R3HDM1: variants seen among roughly 807,000 people sequenced by gnomAD.
R3HDM1 encodes the protein R3H domain containing 1, also known as R3H domain-containing protein 1.
Under a neutral mutation model 141.1 loss-of-function variants are expected in R3HDM1, and 46 were observed. The ratio of observed to expected loss-of-function variants is 0.33; its 90% CI spans 0.26 to 0.42. The LOEUF is 0.42. Among genes scored for constraint, R3HDM1 ranks in the 10% least tolerant of loss-of-function variants. The probability of loss-of-function intolerance (pLI) is 1.00; values close to 1 mark genes in which losing one functional copy is unlikely to be tolerated. For missense variants in R3HDM1, 1,184 were observed against 1,368.3 expected, an observed-to-expected ratio of 0.87 and a Z score of 2.12; for synonymous variants, 435 against 472.9, an observed-to-expected ratio of 0.92 and a Z score of 1.04.
intron 1 of R3HDM1, among the ~76,000 whole-genome samples, chr2:135,562,205 C>A (rs7590075): frequency 2.0e-5 from 3 of 152,118 alleles, no homozygotes; most frequent in Admixed American, 1.3e-4. Context: ...AATAGCTGTT[C>A]GTAGGAATGA....
intron 6 of R3HDM1, chr2:135,622,302 G>T (rs1157000813): frequency 1.0e-6 from 1 of 984,652 alleles, no homozygotes; most frequent in African/African-American, 1.7e-5. Context: ...AGTTAATTAT[G>T]TAAATCATTT....
intron 21 of R3HDM1, among the ~76,000 whole-genome samples, chr2:135,702,216 GGAAAAAAAAAAA>G (rs1190927981): frequency 3.1e-4 from 8 of 25,954 alleles, no homozygotes; most frequent in Non-Finnish European, 6.3e-4. Context: ...TGTCTCAGGG[GGAAAAAAAAAAA>G]AAAAAAAAAA....
rs1316365928 is a variant in R3HDM1, at chr2:135,661,289, C to T, written c.2048C>T (p.Ala683Val). The change falls in exon 19 of 27, where the codon GCT becomes GTT. Residue 683 changes from alanine (A) to valine (V), a missense_variant. Coordinates refer to ENST00000683871, the MANE Select transcript of R3HDM1 (RefSeq NM_001378107.1). ...PSPQMPACYCAPGHYHSSQPQ... is the reference protein window; with the variant it reads ...PSPQMPACYCVPGHYHSSQPQ... ...TCCTAGATGCCAGCCTGTTATTGCG[C>T]TCCAGGCCACTATCACTCCAGCCAA... is the stretch of plus-strand genomic sequence containing the variant. The T allele has an allele frequency of 4.3e-6, 7 of 1,613,956 alleles. No individual in the cohort carries two copies. The highest frequency in any genetic ancestry group is 3.3e-5 in the Admixed American group (2 of 60,000).
At chr2:135,644,681 A>G (rs1366566201) in intron 15 of R3HDM1, among the ~76,000 whole-genome samples, 1 of 152,216 alleles carries the variant, frequency 6.6e-6, no homozygotes, top group Non-Finnish European at 1.5e-5. Flanking sequence ...CTAATGAATA[A>G]CTTTCCAATA....
chr2:135,586,578 A>T, intron 1 of R3HDM1: 2 of 404,364 alleles, frequency 4.9e-6, no homozygotes, highest in Non-Finnish European at 6.7e-6. Context: ...ATGTTCACTT[A>T]GTACCATAAT....
intron 1 of R3HDM1, among the ~76,000 whole-genome samples, chr2:135,557,382 A>C (rs920463171): frequency 6.6e-6 from 1 of 152,050 alleles, no homozygotes; most frequent in Admixed American, 6.6e-5. Flanking sequence ...CTACTCCTGC[A>C]CTTTAAATTG....
At chr2:135,690,611 T>G (rs2072208569) in intron 21 of R3HDM1, among the ~76,000 whole-genome samples, 2 of 152,194 alleles carry the variant, frequency 1.3e-5, no homozygotes, top group Non-Finnish European at 2.9e-5. Context: ...TGAAGAAAGA[T>G]ACTGTTGAAG....
chr2:135,689,755 A>G (rs1004719717), intron 21 of R3HDM1, among the ~76,000 whole-genome samples: 11 of 152,220 alleles, frequency 7.2e-5, no homozygotes, highest in African/African-American at 2.4e-4. Context: ...CGAGCAAAGT[A>G]CTAGTCAGGG....
intron 19 of R3HDM1, among the ~76,000 whole-genome samples, chr2:135,675,020 G>A (rs1288468588): frequency 3.3e-5 from 5 of 151,490 alleles, no homozygotes; most frequent in Non-Finnish European, 7.4e-5. Context: ...CTGGTCCTGA[G>A]AAACTAGTTA....
chr2:135,552,879 CT>C (rs556025953), intron 1 of R3HDM1, among the ~76,000 whole-genome samples: 6 of 149,262 alleles, frequency 4.0e-5, no homozygotes, highest in East Asian at 3.9e-4. Flanking sequence ...GTTAACATTG[CT>C]TTTTTTTTTC....
intron 6 of R3HDM1, 96 bp from the exon 7 acceptor site, chr2:135,622,558 T>C: frequency 1.9e-5 from 26 of 1,379,174 alleles, no homozygotes; most frequent in Non-Finnish European, 2.4e-5. Context: ...GTGGGGCATC[T>C]TGTTTTATTT....
intron 1 of R3HDM1, among the ~76,000 whole-genome samples, chr2:135,542,066 A>T (rs1234973720): frequency 1.3e-5 from 2 of 152,154 alleles, no homozygotes; most frequent in African/African-American, 2.4e-5. Context: ...CCTAAAGGGA[A>T]TTTTATACAC....
intron 21 of R3HDM1, among the ~76,000 whole-genome samples, chr2:135,687,219 A>G (rs2071502323): frequency 6.6e-6 from 1 of 152,174 alleles, no homozygotes; most frequent in Non-Finnish European, 1.5e-5. Flanking sequence ...TAAAATAGTC[A>G]AACTTGTAGA....
At chr2:135,587,694 C>G (rs1004593293) in intron 1 of R3HDM1, among the ~76,000 whole-genome samples, 7 of 152,250 alleles carry the variant, frequency 4.6e-5, no homozygotes, top group African/African-American at 1.7e-4. Flanking sequence ...ACTCTCAGTT[C>G]TTACTTACAA....
intron 1 of R3HDM1, among the ~76,000 whole-genome samples, chr2:135,546,735 T>C (rs530182034): frequency 6.6e-6 from 1 of 152,258 alleles, no homozygotes; most frequent in South Asian, 2.1e-4. Context: ...GCAGTGTCAC[T>C]ATCTTGGCTC....
At chr2:135,570,630 A>T (rs1205402744) in intron 1 of R3HDM1, among the ~76,000 whole-genome samples, 4 of 152,222 alleles carry the variant, frequency 2.6e-5, no homozygotes, top group Admixed American at 2.0e-4. Context: ...CTGTCTGAGG[A>T]CCTAGGATAA....
chr2:135,636,470 C>T (rs2063262200), intron 11 of R3HDM1, among the ~76,000 whole-genome samples: 1 of 151,776 alleles, frequency 6.6e-6, no homozygotes, highest in South Asian at 2.1e-4. Flanking sequence ...ATTTTTTTTC[C>T]CCAGACTTGT....
chr2:135,624,395 A>G (rs2061801221), intron 7 of R3HDM1, among the ~76,000 whole-genome samples: 2 of 148,154 alleles, frequency 1.3e-5, no homozygotes, highest in Admixed American at 1.3e-4. Context: ...CTCCGTCTCA[A>G]AAAAAAAAAA....
At chr2:135,644,633 G>A (rs889826249) in intron 15 of R3HDM1, among the ~76,000 whole-genome samples, 3 of 152,036 alleles carry the variant, frequency 2.0e-5, no homozygotes, top group Non-Finnish European at 4.4e-5. Context: ...TATGTAATGT[G>A]GCCTAAAAAT....
Sources: allele counts gnomAD v4.1 joint callset (sites outside exome capture counted in the v4.1 genomes callset), GRCh38; gene constraint gnomAD v4.1.1; transcripts MANE v1.5; gene names NCBI Gene and HGNC (gene_info 2026-07-23, HGNC 2026-07-21).